Variants in ASTN2 observed in about 807,000 individuals in gnomAD.
ASTN2 encodes astrotactin-2.
A neutral mutation model predicts 139.8 loss-of-function variants in ASTN2; 54 were observed. The ratio of observed to expected loss-of-function variants is 0.39; its 90% CI spans 0.31 to 0.48. The LOEUF is 0.48. ASTN2 is among the 20% of genes least tolerant of loss of function. ASTN2 has a pLI of 0.95. For missense variants in ASTN2, 1,565 were observed against 1,725.1 expected (o/e 0.91, Z 1.64); for synonymous variants, 756 against 719.5 (o/e 1.05, Z -0.81).
At chr9:117,350,917 C>A (rs1301298495) in intron 1 of ASTN2, among the ~76,000 whole-genome samples, 1 of 152,168 alleles carries the variant, frequency 6.6e-6, no homozygotes, top group Non-Finnish European at 1.5e-5. Context: ...CGTTAAATCA[C>A]AATTAAGCCA....
intron 10 of ASTN2, among the ~76,000 whole-genome samples, chr9:116,875,274 C>A (rs1371036164): frequency 6.6e-6 from 1 of 152,164 alleles, no homozygotes; most frequent in Non-Finnish European, 1.5e-5. Flanking sequence ...AGTGAAACAG[C>A]TTTATTTCTG....
At chr9:117,057,582 A>T (rs181767831) in intron 5 of ASTN2, among the ~76,000 whole-genome samples, 7 of 152,326 alleles carry the variant, frequency 4.6e-5, no homozygotes, top group Admixed American at 2.6e-4. Flanking sequence ...ATATATGTGA[A>T]GATGTGAAGA....
At chr9:116,575,137 A>G (rs1171909024) in intron 19 of ASTN2, among the ~76,000 whole-genome samples, 1 of 152,078 alleles carries the variant, frequency 6.6e-6, no homozygotes, top group Non-Finnish European at 1.5e-5. Context: ...TTGCTTGGTG[A>G]TGACACCTGT....
chr9:116,521,413 G>C (rs920206088), intron 19 of ASTN2, among the ~76,000 whole-genome samples: 6 of 152,030 alleles, frequency 3.9e-5, no homozygotes, highest in African/African-American at 1.4e-4. Context: ...ACCCTATTCA[G>C]TAAATGGTGC....
intron 16 of ASTN2, among the ~76,000 whole-genome samples, chr9:116,671,208 G>C (rs2131987994): frequency 6.6e-6 from 1 of 152,234 alleles, no homozygotes; most frequent in Admixed American, 6.5e-5. Flanking sequence ...CGTATTAACA[G>C]AGTAAGAGGA....
intron 3 of ASTN2, among the ~76,000 whole-genome samples, chr9:117,169,973 T>G (rs888248598): frequency 1.3e-5 from 2 of 152,078 alleles, no homozygotes; most frequent in Non-Finnish European, 2.9e-5. Context: ...GATCTGGCTA[T>G]CTTGGGTTTG....
intron 17 of ASTN2, among the ~76,000 whole-genome samples, chr9:116,623,485 A>T (rs900661157): frequency 3.3e-5 from 5 of 152,082 alleles, no homozygotes; most frequent in African/African-American, 1.2e-4. Flanking sequence ...TCAATGCAGG[A>T]TCACTCTTTC....
At chr9:117,126,917 G>T (rs984249443) in intron 4 of ASTN2, among the ~76,000 whole-genome samples, 1 of 152,200 alleles carries the variant, frequency 6.6e-6, no homozygotes, top group Non-Finnish European at 1.5e-5. Flanking sequence ...AAAGAATAAT[G>T]AAAGTGAGGT....
chr9:116,662,966 A>C (rs542516310), intron 16 of ASTN2, among the ~76,000 whole-genome samples: 2 of 152,270 alleles, frequency 1.3e-5, no homozygotes, highest in East Asian at 1.9e-4. Context: ...TTTCTGTCCA[A>C]AGGAGCTGAG....
At chr9:117,274,931 C>A (rs1202211728) in intron 2 of ASTN2, among the ~76,000 whole-genome samples, 1 of 152,182 alleles carries the variant, frequency 6.6e-6, no homozygotes, top group African/African-American at 2.4e-5. Context: ...GCTTCTTAAT[C>A]AATATGCTAA....
chr9:117,059,007 A>T (rs962035741), intron 5 of ASTN2, among the ~76,000 whole-genome samples: 6 of 152,194 alleles, frequency 3.9e-5, no homozygotes, highest in Admixed American at 2.6e-4. Context: ...GAGCAGAGAA[A>T]TCAGTGAAGG....
rs552173287 is a variant in ASTN2, at chr9:116,854,800, T to C, written c.2040+8783A>G. Among the ~76,000 whole-genome samples the C allele has an allele frequency of 1.8e-4, 28 of 152,074 alleles. No homozygotes were observed. In the East Asian group the frequency reaches 4.1e-3, roughly 22 times the overall value. ...CTGAGTAGCTGGGACTATAGGAGCC[T>C]GCCACCACGCTCTGCTAATTTTTTT... On this transcript the variant is annotated intron_variant, in intron 11 of 22. Transcript: ENST00000313400.
chr9:117,144,538 T>C (rs185274971), intron 3 of ASTN2, among the ~76,000 whole-genome samples: 1 of 151,826 alleles, frequency 6.6e-6, no homozygotes, highest in Non-Finnish European at 1.5e-5. Context: ...GAATGATTGA[T>C]AAGGGAAAAG....
At chr9:116,875,011 C>T (rs1252764844) in intron 10 of ASTN2, among the ~76,000 whole-genome samples, 1 of 152,124 alleles carries the variant, frequency 6.6e-6, no homozygotes, top group East Asian at 1.9e-4. Context: ...TGCTGAGACA[C>T]CACAATATTG....
intron 5 of ASTN2, among the ~76,000 whole-genome samples, chr9:117,043,152 C>T (rs1483128394): frequency 2.6e-5 from 4 of 152,002 alleles, no homozygotes; most frequent in Admixed American, 1.3e-4. Context: ...ATTACAGGCA[C>T]GAACCACCAT....
intron 11 of ASTN2, among the ~76,000 whole-genome samples, chr9:116,849,624 C>T (rs1454651138): frequency 6.6e-6 from 1 of 152,180 alleles, no homozygotes; most frequent in Non-Finnish European, 1.5e-5. Context: ...TGAACCTGTA[C>T]AGCTTGATAC....
At chr9:116,603,282 T>A (rs1377846721) in intron 19 of ASTN2, among the ~76,000 whole-genome samples, 2 of 152,046 alleles carry the variant, frequency 1.3e-5, no homozygotes, top group East Asian at 3.9e-4. Context: ...TCCTAATGAG[T>A]TAAAAGGCAC....
At chr9:116,972,423 C>A (rs1376407967) in intron 10 of ASTN2, among the ~76,000 whole-genome samples, 1 of 151,908 alleles carries the variant, frequency 6.6e-6, no homozygotes, top group Non-Finnish European at 1.5e-5. Flanking sequence ...AGCTTTCTAG[C>A]AGTACAAATG....
At position 116,424,536 on chromosome 9, in the gene ASTN2, A is replaced by T. The variant is rs1486951015; in HGVS notation, c.*1315T>A. Among the ~76,000 whole-genome samples the T allele has an allele frequency of 6.6e-6, 1 of 151,536 alleles. No homozygotes were observed. Among genetic ancestry groups the T allele is most frequent in the Admixed American group, 6.6e-5 (1 of 15,226 alleles). The stretch of plus-strand genomic sequence containing the variant: ...AGTTTTCAGTCCTTGAAAGAGGTGT[A>T]CTGTCTCTTGTCTCTGGGCTTTTGT... On this transcript the variant is annotated 3_prime_UTR_variant, in exon 23 of 23. Transcript: ENST00000313400.
Sources: gnomAD v4.1 joint callset for allele counts (sites outside exome capture counted in the v4.1 genomes callset) on GRCh38, gnomAD v4.1.1 for gene constraint, MANE v1.5 for transcripts, NCBI Gene and HGNC (gene_info 2026-07-23, HGNC 2026-07-21) for gene names.